The following GALNT16 variants were observed in gnomAD, a reference collection of about 807,000 sequenced individuals.
The protein encoded by GALNT16 is polypeptide N-acetylgalactosaminyltransferase 16, also known as UDP-GalNAc:polypeptide N-acetylgalactosaminyltransferase-like protein 1.
A neutral mutation model predicts 76.1 loss-of-function variants in GALNT16; 40 were observed. The ratio of observed to expected loss-of-function variants is 0.53; its 90% confidence interval spans 0.41 to 0.68. GALNT16 has a LOEUF of 0.68. GALNT16 is among the 30% of genes least tolerant of loss of function. The pLI, the probability that GALNT16 is intolerant of heterozygous loss-of-function variation, is 0.00. For synonymous variants in GALNT16, 276 were observed against 285.2 expected (o/e 0.97, Z 0.32); for missense variants, 621 against 731.9 (o/e 0.85, Z 1.75).
At chr14:69,313,416 G>C (rs1006317084) in intron 1 of GALNT16, among the ~76,000 whole-genome samples, 5 of 152,328 alleles carry the variant, frequency 3.3e-5, no homozygotes, top group African/African-American at 1.2e-4. Flanking sequence ...GAGGACCCTC[G>C]GGTCTGAGCA....
rs1473600069 is a variant in GALNT16 at position 69,352,997 on chromosome 14, A to G, written c.*829A>G. Among the ~76,000 whole-genome samples, 1 of 152,008 alleles carries G rather than the reference A, an allele frequency of 6.6e-6. No homozygotes were observed. Among genetic ancestry groups the G allele is most frequent in the Non-Finnish European group, 1.5e-5 (1 of 68,002 alleles). ...AGTTTATTAAACAGACTCCACTTCT[A>G]TTTGGCCATGTGTCAGGCTGAGACC... On this transcript the variant is annotated 3_prime_UTR_variant, in exon 15 of 15. Coordinates refer to ENST00000448469, the MANE Select transcript of GALNT16 (RefSeq NM_001168368.2).
At chr14:69,311,645 ATG>A (rs1358827487) in intron 1 of GALNT16, among the ~76,000 whole-genome samples, 1 of 152,218 alleles carries the variant, frequency 6.6e-6, no homozygotes, top group Non-Finnish European at 1.5e-5. Context: ...ACCACAGGTA[ATG>A]TGTTTCTAAA....
chr14:69,290,187 G>A (rs905582767), intron 1 of GALNT16, among the ~76,000 whole-genome samples: 5 of 152,208 alleles, frequency 3.3e-5, no homozygotes, highest in African/African-American at 7.2e-5. Context: ...CTTTCTCACC[G>A]GAACTGCTAT....
intron 1 of GALNT16, among the ~76,000 whole-genome samples, chr14:69,303,652 CT>C (rs35585675): frequency 0.16 from 24,207 of 152,032 alleles, 2,657 homozygotes; most frequent in East Asian, 0.43. Context: ...CACCCATAAT[CT>C]TCCCATCCTA....
At chr14:69,356,212 C>G (rs1034767176), downstream of GALNT16, 2 of 152,216 alleles carry the variant, frequency 1.3e-5, no homozygotes, top group Admixed American at 6.5e-5. Flanking sequence ...CCTGGGCTTG[C>G]AGCTGGGCTG....
Position 69,291,438 on chromosome 14 carries a change from C to T in GALNT16, c.178-29273C>T, listed in dbSNP as rs142250148. On this transcript the variant is annotated intron_variant, in intron 1 of 14. Coordinates refer to ENST00000448469, the MANE Select transcript of GALNT16 (RefSeq NM_001168368.2). The stretch of plus-strand genomic sequence containing the variant: ...CCGAGTCTCTAGGCTGGGTGGCTTC[C>T]AGTAGACCAGCTATTCATACAGCTG... Among the ~76,000 whole-genome samples the T allele has an allele frequency of 9.6e-4, 146 of 152,314 alleles. No homozygotes were observed. In the South Asian group the frequency reaches 0.01, roughly 11 times the overall value.
chr14:69,267,955 G>A (rs1180675551), intron 1 of GALNT16, among the ~76,000 whole-genome samples: 1 of 152,148 alleles, frequency 6.6e-6, no homozygotes, highest in Non-Finnish European at 1.5e-5. Context: ...AGACCAGAGG[G>A]TGAGGTGTAC....
At chr14:69,268,870 C>T (rs1013731015) in intron 1 of GALNT16, among the ~76,000 whole-genome samples, 4 of 152,158 alleles carry the variant, frequency 2.6e-5, no homozygotes, top group Admixed American at 6.5e-5. Flanking sequence ...TCCAGACAGC[C>T]TGGGCCAGGG....
At position 69,347,900 on chromosome 14, in the gene GALNT16, C is replaced by T; in HGVS notation, c.1437C>T (p.Leu479=). 6.2e-7 allele frequency: 1 copy of T among 1,613,948 alleles called. No homozygotes were observed. The highest frequency in any genetic ancestry group is 8.5e-7 in the Non-Finnish European group (1 of 1,180,024). ...AGGCATGGCTGTTCAGTGACCACCTCATCCAGCAGCAGGGGAAGTGCCTGG... is the reference window on the plus strand; with the variant it reads ...AGGCATGGCTGTTCAGTGACCACCTTATCCAGCAGCAGGGGAAGTGCCTGG... ...PAQAWLFSDH[L]IQQQGKCLAA... is the part of the protein sequence containing the mutation. The change falls in exon 14 of 15, where the codon CTC becomes CTT. Residue 479 remains leucine, a synonymous_variant. Transcript: ENST00000448469.
At chr14:69,315,866 G>T (rs1010387733) in intron 1 of GALNT16, among the ~76,000 whole-genome samples, 8 of 152,104 alleles carry the variant, frequency 5.3e-5, no homozygotes, top group Admixed American at 5.2e-4. Flanking sequence ...TCTTGGTTCT[G>T]ATTGTTTCTT....
At chr14:69,267,347 G>A (rs866040267) in intron 1 of GALNT16, among the ~76,000 whole-genome samples, 19 of 152,312 alleles carry the variant, frequency 1.2e-4, no homozygotes, top group South Asian at 1.0e-3. Context: ...GAAGCTTGTC[G>A]ATCATATTAT....
chr14:69,321,288 A>G (rs2045179277), intron 2 of GALNT16, among the ~76,000 whole-genome samples: 1 of 151,912 alleles, frequency 6.6e-6, no homozygotes, highest in South Asian at 2.1e-4. Context: ...CCACAGCTCC[A>G]CCTCCTCAGC....
intron 3 of GALNT16, 98 bp from the exon 4 acceptor site, chr14:69,325,239 G>C: frequency 1.3e-6 from 1 of 789,624 alleles, no homozygotes; most frequent in South Asian, 1.4e-5. Context: ...GCTGGCCCTG[G>C]AGCTGGGCGG....
chr14:69,292,538 C>T (rs1319565824), intron 1 of GALNT16, among the ~76,000 whole-genome samples: 1 of 152,256 alleles, frequency 6.6e-6, no homozygotes, highest in African/African-American at 2.4e-5. Context: ...AGACGAGTCT[C>T]CTTCCATACC....
the GALNT16 span, among the ~76,000 whole-genome samples, chr14:69,370,776 C>T: frequency 6.6e-6 from 1 of 152,134 alleles, no homozygotes; most frequent in Admixed American, 6.5e-5. Flanking sequence ...CTAAAAATCA[C>T]AATAATTCCT....
intron 1 of GALNT16, 146 bp from the exon 2 acceptor site, chr14:69,320,565 G>A: frequency 1.6e-6 from 1 of 636,670 alleles, no homozygotes; most frequent in Non-Finnish European, 2.8e-6. Context: ...TGTACAGTGG[G>A]GGAGATAATG....
Position 69,352,198 on chromosome 14 carries a change from G to C in GALNT16, c.*30G>C. 2 of 1,570,428 alleles carry C rather than the reference G, an allele frequency of 1.3e-6. No individual in the cohort carries two copies. Among genetic ancestry groups the C allele is most frequent in the Non-Finnish European group, 1.7e-6 (2 of 1,155,746 alleles). On this transcript the variant is annotated 3_prime_UTR_variant, in exon 15 of 15. Coordinates refer to ENST00000448469, the MANE Select transcript of GALNT16 (RefSeq NM_001168368.2). Reference sequence around the variant, plus strand: ...AGCCCTGGGGCCTCCTGTACCTTTTGCATGAGACTTCGGGACCGGAAGGGG... The same window carrying C: ...AGCCCTGGGGCCTCCTGTACCTTTTCCATGAGACTTCGGGACCGGAAGGGG...
chr14:69,324,776 G>C lies in GALNT16; in HGVS notation c.420G>C (p.Leu140=). The change falls in exon 3 of 15, where the codon CTG becomes CTC. Residue 140 remains leucine (L), a synonymous_variant. Coordinates refer to ENST00000448469, the MANE Select transcript of GALNT16 (RefSeq NM_001168368.2). ...TFHNEARSTL[L]RTVKSVLNRT... is the part of the protein sequence containing the mutation. Reference sequence around the variant, plus strand: ...ACAATGAGGCCCGTTCCACCCTGCTGCGCACAGTGAAGAGGTAAGTCCAGC... The same window carrying C: ...ACAATGAGGCCCGTTCCACCCTGCTCCGCACAGTGAAGAGGTAAGTCCAGC... The C allele has an allele frequency of 1.2e-6, 2 of 1,609,182 alleles. No individual in the cohort carries two copies. Among genetic ancestry groups the C allele is most frequent in the South Asian group, 2.2e-5 (2 of 90,554 alleles).
chr14:69,335,739 CTA>C (rs1299920487), intron 9 of GALNT16, among the ~76,000 whole-genome samples: 1 of 152,184 alleles, frequency 6.6e-6, no homozygotes, highest in African/African-American at 2.4e-5. Flanking sequence ...CAGTTTTGAG[CTA>C]TGAGACTCCT....
Sources: allele counts gnomAD v4.1 joint callset (sites outside exome capture counted in the v4.1 genomes callset), GRCh38; gene constraint gnomAD v4.1.1; transcripts MANE v1.5; gene names NCBI Gene and HGNC (gene_info 2026-07-23, HGNC 2026-07-21).